ACTR1A: variants seen among roughly 807,000 people sequenced by gnomAD.
The protein encoded by ACTR1A is actin related protein 1A, also known as alpha-centractin.
In ACTR1A, 10 loss-of-function variants were observed where a neutral mutation model predicts 50.7. That is an observed-to-expected ratio of 0.20 (90% CI 0.12 to 0.33). The LOEUF is 0.33. Among genes scored for constraint, ACTR1A ranks in the 10% least tolerant of loss-of-function variants. The pLI is 1.00. For synonymous variants in ACTR1A, 177 were observed against 184.2 expected (o/e 0.96, Z 0.32); for missense variants, 253 against 491.7 (o/e 0.51, Z 4.59).
Position 102,482,079 on chromosome 10 carries a change from T to G in ACTR1A, c.847A>C (p.Ile283Leu). Reference sequence around the variant, plus strand: ...CGCAGGTCCATGTCTGACTTCTGAATGGCGAACACCAGGACCTCGTGGATG... The same window carrying G: ...CGCAGGTCCATGTCTGACTTCTGAAGGGCGAACACCAGGACCTCGTGGATG... ...EGIHEVLVFA[I>L]QKSDMDLRRT... is the part of the protein sequence containing the mutation. The change falls in exon 8 of 11, where the codon ATT (isoleucine) becomes CTT (leucine). Residue 283 changes from isoleucine (I) to leucine (L), a missense_variant. Around this residue, in one of 4 missense-constraint regions of ACTR1A, gnomAD observed 116 missense variants for 155.9 expected, o/e 0.74. Transcript: ENST00000369905. This position sits in a 1 kb window ranked among gnomAD's most constrained non-coding sequence, Gnocchi z 5.6. The G allele has an allele frequency of 6.2e-7, 1 of 1,614,198 alleles. No individual in the cohort carries two copies. The highest frequency in any genetic ancestry group is 8.5e-7 in the Non-Finnish European group (1 of 1,180,048).
chr10:102,502,552 G>A (rs994674252), intron 1 of ACTR1A, 48 bp downstream of exon 1: 4 of 1,602,958 alleles, frequency 2.5e-6, no homozygotes, highest in Non-Finnish European at 3.4e-6. Flanking sequence ...CGATCCTTTC[G>A]AGGAGGAGAG....
Position 102,488,153 on chromosome 10 carries a change from C to T in ACTR1A, c.312G>A (p.Glu104=), listed in dbSNP as rs1018956828. Residue 104 remains glutamate, a synonymous_variant, in exon 4 of 11, where the codon GAG becomes GAA. Coordinates refer to ENST00000369905, the MANE Select transcript of ACTR1A (RefSeq NM_005736.4). This position sits in a 1 kb window ranked among gnomAD's most constrained non-coding sequence, Gnocchi z 4.4. ...YSKDQLQTFS[E]EHPVLLTEAP... is the part of the protein sequence containing the mutation. ...GCCCTACACACAGGATCCTCACCTC[C>T]TCTGAGAAAGTCTGCAGCTGGTCCT... 2 of 1,612,796 alleles carry T rather than the reference C, an allele frequency of 1.2e-6. No individual in the cohort carries two copies. The highest frequency in any genetic ancestry group is 8.5e-7 in the Non-Finnish European group (1 of 1,178,878).
chr10:102,484,428 G>T, intron 5 of ACTR1A, 52 bp from the exon 6 acceptor site: 2 of 1,448,776 alleles, frequency 1.4e-6, no homozygotes, highest in Non-Finnish European at 1.9e-6. Flanking sequence ...ACGCTGGGAA[G>T]AAATACACTT....
Position 102,485,828 on chromosome 10 carries a change from C to T in ACTR1A, c.316-95G>A, listed in dbSNP as rs1180221110. 3.9e-6 allele frequency: 6 copies of T among 1,549,314 alleles called. No homozygotes were observed. The African/African-American group carries it at 5.5e-5, about 14-fold the overall frequency. ...AGACCCTGCCTTGCTGGTTTGAGAG[C>T]CCGGGGACTTCAGTCAGCCTCACTC... On this transcript the variant is annotated intron_variant, in intron 4 of 10. Coordinates refer to ENST00000369905, the MANE Select transcript of ACTR1A (RefSeq NM_005736.4).
Position 102,488,065 on chromosome 10 carries a change from C to T in ACTR1A, c.315+85G>A. 6.6e-7 allele frequency: 1 copy of T among 1,504,000 alleles called. No homozygotes were observed. The allele number at this position is 1,504,000 out of a possible 1,614,324, so 93.2% of individuals were successfully genotyped here. A position where few individuals can be genotyped will look rare whatever the true frequency, so the allele number is the denominator to read the frequency against. ...TGGCTCCAGCACTCTTGGCAGTGAT[C>T]ATCGTCCTCCTCATCATCTCTAGGG... On this transcript the variant is annotated intron_variant, in intron 4 of 10. Coordinates refer to ENST00000369905, the MANE Select transcript of ACTR1A (RefSeq NM_005736.4). The surrounding 1 kb of genome is among the most constrained non-coding windows in gnomAD (Gnocchi z 4.4).
chr10:102,482,953 T>A lies in ACTR1A; in HGVS notation c.750+58A>T. ...TCCAGACCCTGATGGAGAATTCTGGTTGGGCCCAGAGCTTTTGTGGACCTA... is the reference window on the plus strand; with the variant it reads ...TCCAGACCCTGATGGAGAATTCTGGATGGGCCCAGAGCTTTTGTGGACCTA... On this transcript the variant is annotated intron_variant, in intron 7 of 10. Transcript: ENST00000369905. The surrounding 1 kb of genome is among the most constrained non-coding windows in gnomAD (Gnocchi z 5.6). 4.3e-6 allele frequency: 6 copies of A among 1,394,126 alleles called. No homozygotes were observed. Among genetic ancestry groups the A allele is most frequent in the Non-Finnish European group, 6.1e-6 (6 of 981,090 alleles). The allele number at this position is 1,394,126 out of a possible 1,614,324, so 86.4% of individuals were successfully genotyped here. A position where few individuals can be genotyped will look rare whatever the true frequency, so the allele number is the denominator to read the frequency against.
At chr10:102,494,393 G>T (rs754521488) in intron 1 of ACTR1A, among the ~76,000 whole-genome samples, 15 of 152,186 alleles carry the variant, frequency 9.9e-5, no homozygotes, top group Non-Finnish European at 1.8e-4. Flanking sequence ...AGCTACTTGG[G>T]AGGCTGAGCT....
Position 102,479,703 on chromosome 10 carries a change from C to T in ACTR1A, c.*1160G>A, listed in dbSNP as rs2062128963. Reference sequence around the variant, plus strand: ...CACCTCTACAACCTAGTCCCCTGGTCAGCTACAGTGGCAAAAGGCAACTTG... The same window carrying T: ...CACCTCTACAACCTAGTCCCCTGGTTAGCTACAGTGGCAAAAGGCAACTTG... On this transcript the variant is annotated 3_prime_UTR_variant, in exon 11 of 11. Transcript: ENST00000369905. This position sits in a 1 kb window ranked among gnomAD's most constrained non-coding sequence, Gnocchi z 4.0. 7.8e-7 allele frequency: 1 copy of T among 1,287,494 alleles called. No homozygotes were observed. The highest frequency in any genetic ancestry group is 1.2e-5 in the South Asian group (1 of 80,938). The allele number at this position is 1,287,494 out of a possible 1,614,324, so 79.8% of individuals were successfully genotyped here. A position where few individuals can be genotyped will look rare whatever the true frequency, so the allele number is the denominator to read the frequency against.
chr10:102,481,225 T>C, intron 9 of ACTR1A, 53 bp from the exon 10 acceptor site: 1 of 1,508,726 alleles, frequency 6.6e-7, no homozygotes, highest in Non-Finnish European at 9.0e-7. Context: ...CCCGCTCCCT[T>C]TCCCTACAAT....
At chr10:102,481,963 A>G in intron 8 of ACTR1A, 38 bp downstream of exon 8, 1 of 1,613,944 alleles carries the variant, frequency 6.2e-7, no homozygotes. Context: ...CAGGAGCTGA[A>G]CACTTCCAGG....
Position 102,489,448 on chromosome 10 carries a change from G to A in ACTR1A, c.114-310C>T, listed in dbSNP as rs544703074. ...AACAGACCAAGAAAGATGAGGAAAT[G>A]AGAATTTCTAAAGGAGTGATTAACT... On this transcript the variant is annotated intron_variant, in intron 2 of 10. Transcript: ENST00000369905. 1.2e-4 allele frequency among the ~76,000 whole-genome samples: 18 copies of A among 152,284 alleles called. No homozygotes were observed. In the South Asian group the frequency reaches 1.4e-3, roughly 12 times the overall value.
rs772258167 is a variant in ACTR1A, at chr10:102,481,036, G to A, written c.1029-71C>T. ...GTGTGTGGAGCCTACCAGTCCCCTG[G>A]GGCCAAACCAAATCAGGCTTTTCTT... On this transcript the variant is annotated intron_variant, in intron 10 of 10. Coordinates refer to ENST00000369905, the MANE Select transcript of ACTR1A (RefSeq NM_005736.4). 611 of 1,580,760 alleles carry A rather than the reference G, an allele frequency of 3.9e-4. 2 individuals are homozygous for A. The highest frequency in any genetic ancestry group is 4.8e-4 in the Non-Finnish European group (552 of 1,151,038).
chr10:102,498,245 G>A lies in ACTR1A; in HGVS notation c.48+4355C>T, dbSNP rs117481961. On this transcript the variant is annotated intron_variant, in intron 1 of 10. Transcript: ENST00000369905. ...GCAACATCAATATTTACTAAATCTG[G>A]GTAGTAGACACATGCTACCTGGGTG... is the stretch of plus-strand genomic sequence containing the variant. Among the ~76,000 whole-genome samples the A allele has an allele frequency of 3.2e-4, 48 of 151,564 alleles. No homozygotes were observed. In the East Asian group the frequency reaches 9.3e-3, roughly 29 times the overall value.
At chr10:102,491,971 G>A (rs1164724310) in intron 1 of ACTR1A, among the ~76,000 whole-genome samples, 91 of 143,662 alleles carry the variant, frequency 6.3e-4, no homozygotes, top group Middle Eastern at 3.6e-3. Context: ...GGGTTTCACC[G>A]TGTTAGCCAG....
At chr10:102,484,880 C>T (rs781158543) in intron 5 of ACTR1A, among the ~76,000 whole-genome samples, 2 of 152,180 alleles carry the variant, frequency 1.3e-5, no homozygotes, top group East Asian at 1.9e-4. Flanking sequence ...TGCTTCAGTG[C>T]GGAGAGGCCA....
chr10:102,490,521 A>G (rs17709610), intron 2 of ACTR1A, 28 bp downstream of exon 2: 441,469 of 1,597,864 alleles, frequency 0.28, 64,117 homozygotes, highest in South Asian at 0.33. Context: ...ATGAGCCTCC[A>G]AAACGTCTAA....
Position 102,480,896 on chromosome 10 carries a change from G to C in ACTR1A, c.1098C>G (p.Asp366Glu), listed in dbSNP as rs202101782. 42 of 1,613,920 alleles carry C rather than the reference G, an allele frequency of 2.6e-5. No individual in the cohort carries two copies. The highest frequency in any genetic ancestry group is 3.5e-5 in the Non-Finnish European group (41 of 1,179,948). Reference sequence around the variant, plus strand: ...TTTTTCTGTGGATGGATCGGGCACCGTCTTCCTCATATTCCTTTTTGGAGA... The same window carrying C: ...TTTTTCTGTGGATGGATCGGGCACCCTCTTCCTCATATTCCTTTTTGGAGA... ...MWVSKKEYEE[D>E]GARSIHRKTF Residue 366 changes from aspartate (D) to glutamate (E), a missense_variant, in exon 11 of 11, where the codon GAC becomes GAG. By Grantham distance (45) the Asp-to-Glu change is conservative (BLOSUM62 2). Coordinates refer to ENST00000369905, the MANE Select transcript of ACTR1A (RefSeq NM_005736.4).
chr10:102,480,564 G>C lies in ACTR1A; in HGVS notation c.*299C>G, dbSNP rs1174431911. On this transcript the variant is annotated 3_prime_UTR_variant, in exon 11 of 11. Transcript: ENST00000369905. The stretch of plus-strand genomic sequence containing the variant: ...CCTCTGTCTCCCTGTGGTAGTAAAC[G>C]GAGTCCCCCACAGCCAGCCAGAGGC... 2 of 421,784 alleles carry C rather than the reference G, an allele frequency of 4.7e-6. No individual in the cohort carries two copies. Among genetic ancestry groups the C allele is most frequent in the Non-Finnish European group, 8.7e-6 (2 of 230,906 alleles). The allele number at this position is 421,784 out of a possible 1,614,324, so 26.1% of individuals were successfully genotyped here. A position where few individuals can be genotyped will look rare whatever the true frequency, so the allele number is the denominator to read the frequency against.
Position 102,480,698 on chromosome 10 carries a change from T to G in ACTR1A, c.*165A>C. 1 of 653,960 alleles carries G rather than the reference T, an allele frequency of 1.5e-6. No individual in the cohort carries two copies. The allele number at this position is 653,960 out of a possible 1,614,324, so 40.5% of individuals were successfully genotyped here. A position where few individuals can be genotyped will look rare whatever the true frequency, so the allele number is the denominator to read the frequency against. Reference sequence around the variant, plus strand: ...ACCACTGCAGGTAGTTCATCGTCCTTTCTGGGCCCAGGGTCCCAGGGCCAC... The same window carrying G: ...ACCACTGCAGGTAGTTCATCGTCCTGTCTGGGCCCAGGGTCCCAGGGCCAC... On this transcript the variant is annotated 3_prime_UTR_variant, in exon 11 of 11. Transcript: ENST00000369905.
Sources: gnomAD v4.1 joint callset for allele counts (sites outside exome capture counted in the v4.1 genomes callset) on GRCh38, gnomAD v4.1.1 for gene constraint, gnomAD v4.1.1 regional missense constraint, Gnocchi (gnomAD v3.1) non-coding constraint, MANE v1.5 for transcripts, NCBI Gene and HGNC (gene_info 2026-07-23, HGNC 2026-07-21) for gene names.